Variants in RHOJ observed in about 807,000 individuals in gnomAD.
The protein encoded by RHOJ is rho-related GTP-binding protein RhoJ.
Under a neutral mutation model 23.4 loss-of-function variants are expected in RHOJ, and 11 were observed. That is an observed-to-expected ratio of 0.47 (90% CI 0.30 to 0.78). RHOJ has a LOEUF of 0.78. Among genes scored for constraint, RHOJ ranks in the 30% least tolerant of loss-of-function variants. The probability of loss-of-function intolerance (pLI) is 0.08; values close to 1 mark genes in which losing one functional copy is unlikely to be tolerated. For synonymous variants in RHOJ, 102 were observed against 102.7 expected (o/e 0.99, Z 0.04); for missense variants, 254 against 273.4 (o/e 0.93, Z 0.50).
At chr14:63,210,212 A>G (rs1894204783) in intron 1 of RHOJ, among the ~76,000 whole-genome samples, 1 of 152,012 alleles carries the variant, frequency 6.6e-6, no homozygotes, top group Non-Finnish European at 1.5e-5. Context: ...TGCCCACCTC[A>G]GCCTCCCAAA....
chr14:63,268,352 C>T (rs1895405612), intron 1 of RHOJ, among the ~76,000 whole-genome samples: 1 of 152,046 alleles, frequency 6.6e-6, no homozygotes, highest in Non-Finnish European at 1.5e-5. Context: ...GGTTGCTGTC[C>T]CTGTTTTCCT....
chr14:63,277,818 C>T (rs1881777780), intron 2 of RHOJ, among the ~76,000 whole-genome samples: 1 of 152,114 alleles, frequency 6.6e-6, no homozygotes. Flanking sequence ...CTTACAGCTG[C>T]TCTTTAAGGG....
At chr14:63,225,077 G>T (rs927229150) in intron 1 of RHOJ, among the ~76,000 whole-genome samples, 1 of 149,392 alleles carries the variant, frequency 6.7e-6, no homozygotes, top group Non-Finnish European at 1.5e-5. Flanking sequence ...TCAGCCTCCC[G>T]AGTAGCTGGG....
chr14:63,260,206 A>G (rs921828531), intron 1 of RHOJ, among the ~76,000 whole-genome samples: 1 of 152,226 alleles, frequency 6.6e-6, no homozygotes, highest in African/African-American at 2.4e-5. Context: ...CACATTCTCA[A>G]ATGCACAATA....
intron 3 of RHOJ, among the ~76,000 whole-genome samples, chr14:63,281,720 C>G (rs1881906511): frequency 6.6e-6 from 1 of 152,310 alleles, no homozygotes; most frequent in African/African-American, 2.4e-5. Context: ...TTACAGTGTT[C>G]TGAAAGCTAA....
At chr14:63,233,046 G>C (rs568061821) in intron 1 of RHOJ, among the ~76,000 whole-genome samples, 11 of 152,164 alleles carry the variant, frequency 7.2e-5, no homozygotes, top group South Asian at 4.2e-4. Context: ...ATTCTTCAAA[G>C]TTGAGGAGAG....
chr14:63,213,733 T>C (rs191319727), intron 1 of RHOJ, among the ~76,000 whole-genome samples: 70 of 152,360 alleles, frequency 4.6e-4, no homozygotes, highest in African/African-American at 1.6e-3. Flanking sequence ...GAGATAGTTC[T>C]GTTCCATGTA....
At chr14:63,252,099 T>C (rs1895082176) in intron 1 of RHOJ, among the ~76,000 whole-genome samples, 1 of 151,946 alleles carries the variant, frequency 6.6e-6, no homozygotes, top group African/African-American at 2.4e-5. Context: ...AATAAATAAA[T>C]AAATAGAGTC....
At chr14:63,266,936 C>T (rs569797613) in intron 1 of RHOJ, among the ~76,000 whole-genome samples, 45 of 152,218 alleles carry the variant, frequency 3.0e-4, no homozygotes, top group African/African-American at 9.9e-4. Flanking sequence ...CAGACATATG[C>T]ACAGCCAGCA....
chr14:63,259,274 C>G (rs1322152452), intron 1 of RHOJ, among the ~76,000 whole-genome samples: 1 of 152,140 alleles, frequency 6.6e-6, no homozygotes, highest in Non-Finnish European at 1.5e-5. Flanking sequence ...ATCAGCAAAG[C>G]CAAGAATAAA....
At position 63,236,990 on chromosome 14, in the gene RHOJ, T is replaced by C. The variant is rs1894801657; in HGVS notation, c.178+31943T>C. Among the ~76,000 whole-genome samples the C allele has an allele frequency of 3.3e-5, 5 of 152,190 alleles. No individual in the cohort carries two copies. In the South Asian group the frequency reaches 1.0e-3, roughly 31 times the overall value. ...TTCTATGCAAATAGTTGTTATACTG[T>C]ATTGTTTAGGGAATGATGACAAGAA... On this transcript the variant is annotated intron_variant, in intron 1 of 4. Transcript: ENST00000316754.
chr14:63,225,160 C>A (rs1182966691), intron 1 of RHOJ, among the ~76,000 whole-genome samples: 1 of 152,094 alleles, frequency 6.6e-6, no homozygotes, highest in Non-Finnish European at 1.5e-5. Flanking sequence ...ACTCTGTTAG[C>A]CAGGATGGTC....
chr14:63,236,146 C>T (rs563770950), intron 1 of RHOJ, among the ~76,000 whole-genome samples: 21 of 152,298 alleles, frequency 1.4e-4, no homozygotes, highest in Admixed American at 5.2e-4. Context: ...TTCTCTTTTA[C>T]GGCCAACAAG....
intron 1 of RHOJ, among the ~76,000 whole-genome samples, chr14:63,220,350 T>G (rs1408804039): frequency 6.7e-6 from 1 of 150,116 alleles, no homozygotes; most frequent in African/African-American, 2.5e-5. Flanking sequence ...ATCAAGTCTC[T>G]TAATACCTGA....
chr14:63,217,085 C>CT (rs71120253), intron 1 of RHOJ, among the ~76,000 whole-genome samples: 17,331 of 148,640 alleles, frequency 0.12, 2,147 homozygotes, highest in African/African-American at 0.31. Flanking sequence ...TTCTTTTTTT[C>CT]TTTTTTTTTT....
At chr14:63,250,868 T>C (rs926364730) in intron 1 of RHOJ, among the ~76,000 whole-genome samples, 2 of 151,974 alleles carry the variant, frequency 1.3e-5, no homozygotes, top group Non-Finnish European at 2.9e-5. Flanking sequence ...ACCCCATCTC[T>C]ACCAAAAATA....
intron 2 of RHOJ, among the ~76,000 whole-genome samples, chr14:63,279,303 A>C (rs899388492): frequency 6.6e-6 from 1 of 152,270 alleles, no homozygotes; most frequent in East Asian, 1.9e-4. Context: ...ACACATATAT[A>C]GTGCACACAC....
chr14:63,285,175 C>G (rs192104450), intron 4 of RHOJ, among the ~76,000 whole-genome samples: 1 of 152,260 alleles, frequency 6.6e-6, no homozygotes, highest in African/African-American at 2.4e-5. Flanking sequence ...CAGCCTTTGT[C>G]TTAATTAATC....
At chr14:63,285,358 G>A (rs1882046071) in intron 4 of RHOJ, among the ~76,000 whole-genome samples, 1 of 152,096 alleles carries the variant, frequency 6.6e-6, no homozygotes, top group African/African-American at 2.4e-5. Context: ...GAAACCTTTA[G>A]GTTTGGGGCT....
Sources: allele counts gnomAD v4.1 joint callset (sites outside exome capture counted in the v4.1 genomes callset), GRCh38; gene constraint gnomAD v4.1.1; transcripts MANE v1.5; gene names NCBI Gene and HGNC (gene_info 2026-07-23, HGNC 2026-07-21).